The following NBAS variants were observed in gnomAD, a reference collection of about 807,000 sequenced individuals.
NBAS encodes NBAS subunit of NRZ tethering complex.
In NBAS, 219 loss-of-function variants were observed where a neutral mutation model predicts 302.5. The ratio of observed to expected loss-of-function variants is 0.72; its 90% confidence interval spans 0.65 to 0.81. The LOEUF (loss-of-function observed/expected upper bound fraction) is 0.81, where lower values mean the gene tolerates loss of function less well. Among genes scored for constraint, NBAS ranks in the 30% least tolerant of loss-of-function variants. NBAS has a pLI of 0.00. For synonymous variants in NBAS, 1,118 were observed against 1,021.6 expected (o/e 1.09, Z -1.80); for missense variants, 2,932 against 2,841.6 (o/e 1.03, Z -0.72).
chr2:14,955,535 G>C, the NBAS span, among the ~76,000 whole-genome samples: 2 of 152,312 alleles, frequency 1.3e-5, no homozygotes, highest in East Asian at 1.9e-4. Flanking sequence ...TGAGGTCTCT[G>C]CCCCTGCAGG....
At chr2:15,374,134 C>T (rs1674618096) in intron 31 of NBAS, among the ~76,000 whole-genome samples, 1 of 152,014 alleles carries the variant, frequency 6.6e-6, no homozygotes. Flanking sequence ...AAATTCTAAA[C>T]AAAAATTTCT....
the NBAS span, among the ~76,000 whole-genome samples, chr2:15,027,540 C>T: frequency 2.0e-4 from 31 of 152,096 alleles, no homozygotes; most frequent in African/African-American, 7.5e-4. Context: ...ACTAGAATCT[C>T]TTGGGTTTTT....
Position 15,453,113 on chromosome 2 carries a change from G to A in NBAS, c.2339+8088C>T, listed in dbSNP as rs1020478038. On this transcript the variant is annotated intron_variant, in intron 21 of 51. Coordinates refer to ENST00000281513, the MANE Select transcript of NBAS (RefSeq NM_015909.4). ...AAAAGAATGCCAGACTTCTTTACCT[G>A]ATGACACTCCCCAGTTAAAATTGGG... 3.9e-5 allele frequency among the ~76,000 whole-genome samples: 6 copies of A among 152,306 alleles called. No individual in the cohort carries two copies. The East Asian group carries it at 1.2e-3, about 29-fold the overall frequency.
chr2:15,396,748 T>C lies in NBAS; in HGVS notation c.3072-273A>G, dbSNP rs3732001. Among the ~76,000 whole-genome samples, 93,543 of 151,418 alleles carry C rather than the reference T, an allele frequency of 0.62. 29,642 individuals are homozygous for C. The highest frequency in any genetic ancestry group is 0.68 in the Middle Eastern group (199 of 292). On this transcript the variant is annotated intron_variant, in intron 26 of 51. Transcript: ENST00000281513. ...AGTTGTGCTTAAAGGTAAAAAAATA[T>C]ATAAATCGATTGTTTATTTAAGATG...
chr2:15,533,673 GGTGTGCGTGTGTGTGTGTGTGTGT>G (rs1444773565), intron 9 of NBAS, among the ~76,000 whole-genome samples: 1 of 130,678 alleles, frequency 7.7e-6, no homozygotes, highest in Non-Finnish European at 1.6e-5. Flanking sequence ...GACTTCGGGG[GGTGTGCGTGTGTGTGTGTGTGTGT>G]GTGTGTGTGT....
intron 25 of NBAS, among the ~76,000 whole-genome samples, chr2:15,405,989 CTAAGT>C (rs1482785980): frequency 4.0e-5 from 6 of 151,376 alleles, no homozygotes; most frequent in African/African-American, 1.5e-4. Flanking sequence ...ATTGGTCTCC[CTAAGT>C]TAATGTACAA....
rs1033877963 is a variant in NBAS at position 15,511,186 on chromosome 2, A to T, written c.885+26T>A. The T allele has an allele frequency of 1.9e-6, 3 of 1,613,742 alleles. No individual in the cohort carries two copies. The African/African-American group carries it at 4.0e-5, about 22-fold the overall frequency. ...AGCACAGTGAAATGACACATAGCAAAGTGAAGTGCCATAACTCATACTTAC... is the reference window on the plus strand; with the variant it reads ...AGCACAGTGAAATGACACATAGCAATGTGAAGTGCCATAACTCATACTTAC... On this transcript the variant is annotated intron_variant, in intron 10 of 51. Transcript: ENST00000281513.
chr2:15,256,581 G>A (rs951472568), intron 44 of NBAS, among the ~76,000 whole-genome samples: 3 of 152,066 alleles, frequency 2.0e-5, no homozygotes, highest in South Asian at 2.1e-4. Context: ...CTTCCAGCAT[G>A]ATGCTGAATA....
intron 12 of NBAS, among the ~76,000 whole-genome samples, chr2:15,480,523 G>A (rs1456577082): frequency 2.6e-5 from 4 of 152,100 alleles, no homozygotes; most frequent in Non-Finnish European, 5.9e-5. Context: ...TCGAAGGATG[G>A]ACAGAGGATT....
chr2:14,830,201 A>G, the NBAS span, among the ~76,000 whole-genome samples: 1 of 152,190 alleles, frequency 6.6e-6, no homozygotes, highest in Non-Finnish European at 1.5e-5. Context: ...CAATGAGCAG[A>G]GGTAGAGGGG....
At chr2:15,352,387 G>A (rs1190601847) in intron 34 of NBAS, among the ~76,000 whole-genome samples, 2 of 152,086 alleles carry the variant, frequency 1.3e-5, no homozygotes, top group East Asian at 1.9e-4. Flanking sequence ...TTTGACTGGG[G>A]GGCATATGCA....
At chr2:15,331,739 G>A (rs1672361864) in intron 35 of NBAS, among the ~76,000 whole-genome samples, 1 of 152,178 alleles carries the variant, frequency 6.6e-6, no homozygotes, top group Non-Finnish European at 1.5e-5. Context: ...AGATCAAGCT[G>A]ACAGTTGCCA....
chr2:15,057,417 A>AAG, the NBAS span, among the ~76,000 whole-genome samples: 1 of 149,308 alleles, frequency 6.7e-6, no homozygotes, highest in African/African-American at 2.5e-5. Context: ...TTCCAAGTTT[A>AAG]TTCTAGGCAA....
At chr2:15,097,333 C>T in the NBAS span, among the ~76,000 whole-genome samples, 1 of 152,076 alleles carries the variant, frequency 6.6e-6, no homozygotes, top group African/African-American at 2.4e-5. Context: ...GGCGCAGAAT[C>T]CCAGGCCACA....
the NBAS span, among the ~76,000 whole-genome samples, chr2:14,788,796 A>T: frequency 6.6e-6 from 1 of 152,174 alleles, no homozygotes; most frequent in Non-Finnish European, 1.5e-5. Flanking sequence ...GACCCACTTG[A>T]GGAGGCAGTC....
chr2:14,849,991 C>T, the NBAS span, among the ~76,000 whole-genome samples: 3 of 139,218 alleles, frequency 2.2e-5, 1 homozygote, highest in African/African-American at 6.5e-5. Flanking sequence ...AAAATGTAGA[C>T]AATCGAGACT....
At chr2:15,439,481 T>C (rs1678225296) in intron 21 of NBAS, among the ~76,000 whole-genome samples, 1 of 149,912 alleles carries the variant, frequency 6.7e-6, no homozygotes, top group African/African-American at 2.5e-5. Context: ...CAGGGATAAA[T>C]TAAAAAAAAA....
At chr2:15,331,001 C>A (rs761722947) in intron 35 of NBAS, among the ~76,000 whole-genome samples, 1 of 151,894 alleles carries the variant, frequency 6.6e-6, no homozygotes, top group Non-Finnish European at 1.5e-5. Context: ...AGAGAAAAAC[C>A]CCATAGTGTA....
rs540530896 is a variant in NBAS, at chr2:15,404,443, T to C, written c.2938-2142A>G. ...TTGAAATAAAAGCCAAAGTCCTTGATGTCTTACTTGTTCTCCCCACTTCCT... is the reference window on the plus strand; with the variant it reads ...TTGAAATAAAAGCCAAAGTCCTTGACGTCTTACTTGTTCTCCCCACTTCCT... On this transcript the variant is annotated intron_variant, in intron 25 of 51. Coordinates refer to ENST00000281513, the MANE Select transcript of NBAS (RefSeq NM_015909.4). 3.3e-5 allele frequency among the ~76,000 whole-genome samples: 5 copies of C among 152,274 alleles called. No homozygotes were observed. In the East Asian group the frequency reaches 7.7e-4, roughly 23 times the overall value.
Sources: allele counts gnomAD v4.1 joint callset (sites outside exome capture counted in the v4.1 genomes callset), GRCh38; gene constraint gnomAD v4.1.1; transcripts MANE v1.5; gene names NCBI Gene and HGNC (gene_info 2026-07-23, HGNC 2026-07-21).